XG: variants seen among roughly 807,000 people sequenced by gnomAD.
XG encodes Xg glycoprotein (Xg blood group).
In XG, 24 loss-of-function variants were observed where a neutral mutation model predicts 25.7. The ratio of observed to expected loss-of-function variants is 0.93; its 90% CI spans 0.68 to 1.31. XG has a LOEUF of 1.31. Among genes scored for constraint, XG ranks in the 40% most tolerant of loss-of-function variants. The pLI, the probability that XG is intolerant of heterozygous loss-of-function variation, is 0.00. For missense variants in XG, 181 were observed against 187.6 expected (o/e 0.96, Z 0.21); for synonymous variants, 77 against 69.2 (o/e 1.11, Z -0.56).
intron 1 of XG, among the ~76,000 whole-genome samples, chrX:2,759,767 G>A (rs2050521650): frequency 6.6e-6 from 1 of 152,214 alleles, no homozygotes; most frequent in Non-Finnish European, 1.5e-5. Flanking sequence ...TTGGCACACA[G>A]GGGGTAGAAA....
At position 2,797,290 on chromosome X, in the gene XG, C is replaced by CT; in HGVS notation, c.323-19dup. 1 of 1,210,739 alleles carries CT rather than the reference C, an allele frequency of 8.3e-7. No individual in the cohort carries two copies. The highest frequency in any genetic ancestry group is 1.1e-6 in the Non-Finnish European group (1 of 894,887). On this transcript the variant is annotated intron_variant, in intron 6 of 10. Coordinates refer to ENST00000644266, the MANE Select transcript of XG (RefSeq NM_001141919.2). ...TCAGACACCTGAACATCCCTCAACTCTACCTTCTCTGTCTAACAGGAGGTG... is the reference window on the plus strand; with the variant it reads ...TCAGACACCTGAACATCCCTCAACTCTTACCTTCTCTGTCTAACAGGAGGTG...
At position 2,815,356 on chromosome X, in the gene XG, A is replaced by G. The variant is rs1420949327; in HGVS notation, c.*976A>G. Reference sequence around the variant, plus strand: ...GGTATAGTTTGAGTAAACTAAGGTTAATGTTCATATAACATTTAGACTTTG... The same window carrying G: ...GGTATAGTTTGAGTAAACTAAGGTTGATGTTCATATAACATTTAGACTTTG... On this transcript the variant is annotated 3_prime_UTR_variant, in exon 11 of 11. Coordinates refer to ENST00000644266, the MANE Select transcript of XG (RefSeq NM_001141919.2). 2 of 112,088 alleles carry G rather than the reference A, an allele frequency of 1.8e-5. No individual in the cohort carries two copies. The highest frequency in any genetic ancestry group is 9.5e-5 in the Admixed American group (1 of 10,510). The allele number at this position is 112,088 out of a possible 1,213,427, so 9.2% of individuals were successfully genotyped here. A position where few individuals can be genotyped will look rare whatever the true frequency, so the allele number is the denominator to read the frequency against.
rs1205031518 is a variant in XG, at chrX:2,811,581, T to G, written c.571+129T>G. The G allele has an allele frequency of 2.6e-5, 12 of 456,766 alleles. No individual in the cohort carries two copies. The Admixed American group carries it at 5.1e-4, about 20-fold the overall frequency. The allele number at this position is 456,766 out of a possible 1,213,427, so 37.6% of individuals were successfully genotyped here. ...TCAATATACATAACTTGCCTAATAATGTGATTTTTTAAAATTTATTTTTAT... is the reference window on the plus strand; with the variant it reads ...TCAATATACATAACTTGCCTAATAAGGTGATTTTTTAAAATTTATTTTTAT... On this transcript the variant is annotated intron_variant, in intron 10 of 10. Coordinates refer to ENST00000644266, the MANE Select transcript of XG (RefSeq NM_001141919.2).
At chrX:2,813,057 C>G (rs1825658) in intron 10 of XG, among the ~76,000 whole-genome samples, 1 of 112,250 alleles carries the variant, frequency 8.9e-6, no homozygotes, top group African/African-American at 3.2e-5. Context: ...TGGATGATGC[C>G]TGCCCCATTT....
At chrX:2,774,681 T>G (rs748427638) in intron 2 of XG, 35 bp from the exon 3 acceptor site, 2 of 1,613,584 alleles carry the variant, frequency 1.2e-6, no homozygotes, top group Non-Finnish European at 8.5e-7. Flanking sequence ...GAATCTTCAA[T>G]GCATATTGCA....
intron 7 of XG, among the ~76,000 whole-genome samples, chrX:2,805,173 G>A (rs1237317142): frequency 3.5e-5 from 4 of 112,688 alleles, no homozygotes; most frequent in African/African-American, 6.4e-5. Context: ...GCAGAGCACT[G>A]AGGGGTGAGG....
intron 5 of XG, among the ~76,000 whole-genome samples, chrX:2,791,664 G>C (rs2086839139): frequency 9.1e-6 from 1 of 109,475 alleles, no homozygotes; most frequent in African/African-American, 3.3e-5. Context: ...CTGTGAATTA[G>C]AATGAGAACT....
chrX:2,784,031 C>T (rs1302712259), intron 4 of XG, among the ~76,000 whole-genome samples: 2 of 111,553 alleles, frequency 1.8e-5, no homozygotes, highest in Non-Finnish European at 3.8e-5. Flanking sequence ...AACACCACCT[C>T]ACCCTTAACT....
At chrX:2,791,153 A>T (rs1247674138) in intron 5 of XG, among the ~76,000 whole-genome samples, 1 of 109,355 alleles carries the variant, frequency 9.1e-6, no homozygotes, top group Non-Finnish European at 1.9e-5. Flanking sequence ...AGCACTTCCC[A>T]TCTCCGCCTT....
At chrX:2,752,358 G>A in intron 1 of XG, 23 bp downstream of exon 1, 2 of 1,612,532 alleles carry the variant, frequency 1.2e-6, no homozygotes, top group Non-Finnish European at 1.7e-6. Context: ...TTGCTTTGAG[G>A]GAGATCTGCC....
At chrX:2,775,676 C>T (rs1482591841) in intron 3 of XG, among the ~76,000 whole-genome samples, 1 of 151,978 alleles carries the variant, frequency 6.6e-6, no homozygotes, top group Non-Finnish European at 1.5e-5. Context: ...TAACCTTTGG[C>T]TGGGGGCGGT....
intron 1 of XG, among the ~76,000 whole-genome samples, chrX:2,763,511 G>A (rs1013695393): frequency 1.6e-3 from 246 of 152,046 alleles, no homozygotes; most frequent in Non-Finnish European, 3.0e-3. Context: ...GTGAGGGGAC[G>A]TGCTGGAGGA....
chrX:2,763,288 G>T (rs1455163293), intron 1 of XG, among the ~76,000 whole-genome samples: 1 of 152,082 alleles, frequency 6.6e-6, no homozygotes, highest in Non-Finnish European at 1.5e-5. Context: ...TGCTGGGATT[G>T]CGGGTGTGAG....
intron 1 of XG, among the ~76,000 whole-genome samples, chrX:2,765,041 CAA>C (rs1219282861): frequency 9.3e-4 from 34 of 36,608 alleles, no homozygotes; most frequent in African/African-American, 3.6e-3. Flanking sequence ...ATTCTTTATC[CAA>C]AAAAAAAAAA....
At chrX:2,793,822 A>G (rs2086858695) in intron 5 of XG, among the ~76,000 whole-genome samples, 1 of 111,767 alleles carries the variant, frequency 8.9e-6, no homozygotes, top group African/African-American at 3.3e-5. Flanking sequence ...GGAATCGGCC[A>G]CTGCCAACGT....
intron 3 of XG, among the ~76,000 whole-genome samples, chrX:2,779,835 C>T (rs1444983735): frequency 1.3e-5 from 2 of 151,956 alleles, no homozygotes; most frequent in African/African-American, 2.4e-5. Context: ...TTGGTAGAGA[C>T]GGGTTTTAAC....
intron 3 of XG, among the ~76,000 whole-genome samples, chrX:2,776,690 CA>C (rs893499220): frequency 6.6e-6 from 1 of 151,966 alleles, no homozygotes; most frequent in African/African-American, 2.4e-5. Flanking sequence ...CTAAAAAATA[CA>C]AAAAAAATTT....
At chrX:2,812,847 GC>G (rs2087071097) in intron 10 of XG, among the ~76,000 whole-genome samples, 1 of 112,074 alleles carries the variant, frequency 8.9e-6, no homozygotes, top group African/African-American at 3.2e-5. Flanking sequence ...TGATTTGTAA[GC>G]CTTTGTTAAC....
intron 1 of XG, among the ~76,000 whole-genome samples, chrX:2,766,503 TG>T (rs36165554): frequency 0.64 from 95,323 of 148,200 alleles, 31,467 homozygotes; most frequent in African/African-American, 0.8. Flanking sequence ...TTCTCTGGGA[TG>T]GGGGGTCTTA....
Sources: allele counts gnomAD v4.1 joint callset (sites outside exome capture counted in the v4.1 genomes callset), GRCh38; gene constraint gnomAD v4.1.1; transcripts MANE v1.5; gene names NCBI Gene and HGNC (gene_info 2026-07-23, HGNC 2026-07-21).